Variants in DENND1A observed in about 807,000 individuals in gnomAD.
The protein encoded by DENND1A is DENN domain-containing protein 1A.
In DENND1A, 51 loss-of-function variants were observed where a neutral mutation model predicts 113.7. That is an observed-to-expected ratio of 0.45 (90% CI 0.36 to 0.57). DENND1A has a LOEUF of 0.57. Among genes scored for constraint, DENND1A ranks in the 20% least tolerant of loss-of-function variants. The pLI, the probability that DENND1A is intolerant of heterozygous loss-of-function variation, is 0.00. For missense variants in DENND1A, 1,258 were observed against 1,395.9 expected (o/e 0.90, Z 1.57); for synonymous variants, 565 against 570.8 (o/e 0.99, Z 0.14).
chr9:123,901,259 G>T (rs1851575711), intron 1 of DENND1A, among the ~76,000 whole-genome samples: 1 of 152,184 alleles, frequency 6.6e-6, no homozygotes, highest in African/African-American at 2.4e-5. Context: ...GGTAGGAGAA[G>T]ATGGTGCCCT....
At chr9:123,683,439 C>A (rs1317844186) in intron 5 of DENND1A, among the ~76,000 whole-genome samples, 1 of 152,154 alleles carries the variant, frequency 6.6e-6, no homozygotes, top group African/African-American at 2.4e-5. Context: ...GTTATTAAGT[C>A]AGAAAAATTA....
At chr9:123,436,366 T>C (rs1388927267) in intron 19 of DENND1A, among the ~76,000 whole-genome samples, 2 of 152,184 alleles carry the variant, frequency 1.3e-5, no homozygotes, top group Non-Finnish European at 2.9e-5. Flanking sequence ...TTATCTCGAG[T>C]GGAGAAACGC....
chr9:123,592,523 G>C (rs960876259), intron 11 of DENND1A, among the ~76,000 whole-genome samples: 1 of 152,104 alleles, frequency 6.6e-6, no homozygotes, highest in Non-Finnish European at 1.5e-5. Context: ...GGGCTGGGGG[G>C]AAACTGACTA....
intron 5 of DENND1A, among the ~76,000 whole-genome samples, chr9:123,730,139 T>G (rs892042453): frequency 2.0e-5 from 3 of 152,150 alleles, no homozygotes; most frequent in Non-Finnish European, 4.4e-5. Context: ...ATGTAAGACC[T>G]AAAACCACAA....
At chr9:123,772,915 C>T (rs1356540947) in intron 3 of DENND1A, among the ~76,000 whole-genome samples, 1 of 152,064 alleles carries the variant, frequency 6.6e-6, no homozygotes, top group East Asian at 1.9e-4. Context: ...TTCTAAAATC[C>T]CTCCCAATCA....
chr9:123,891,258 C>G (rs1037995879), intron 1 of DENND1A, among the ~76,000 whole-genome samples: 3 of 152,178 alleles, frequency 2.0e-5, no homozygotes, highest in African/African-American at 7.2e-5. Context: ...CTTGCCTCTC[C>G]CTCTGCCACT....
chr9:123,446,859 C>CT (rs2132545350), intron 18 of DENND1A, among the ~76,000 whole-genome samples: 1 of 152,232 alleles, frequency 6.6e-6, no homozygotes, highest in Admixed American at 6.5e-5. Context: ...GATTCAGAAA[C>CT]TTTACAAAGG....
intron 6 of DENND1A, among the ~76,000 whole-genome samples, chr9:123,674,342 TCACACACACACACACACACACACACACA>T (rs546398875): frequency 6.0e-5 from 8 of 132,376 alleles, no homozygotes; most frequent in South Asian, 2.5e-4. Context: ...TGTCTCTCTC[TCACACACACACACACACACACACACACA>T]CACACACACA....
rs1365261126 is a variant in DENND1A, at chr9:123,440,433, G to T, written c.1415C>A (p.Pro472Gln). The T allele has an allele frequency of 1.3e-6, 2 of 1,577,638 alleles. No individual in the cohort carries two copies. Among genetic ancestry groups the T allele is most frequent in the Admixed American group, 2.0e-5 (1 of 49,652 alleles). ...TPEEQLPKTA[P>Q]SPLVEAKDPK... The stretch of plus-strand genomic sequence containing the variant: ...GTCCTTGGCCTCCACCAGTGGGGAC[G>T]GTGCAGTCTTTGGCAGCTGCTCTTC... The change falls in exon 19 of 24, where the codon CCG becomes CAG. Residue 472 changes from proline to glutamine, a missense_variant. Physicochemically the swap from Pro to Gln is moderately conservative, Grantham distance 76. Around this residue, in one of 2 missense-constraint regions of DENND1A, gnomAD observed 1,159 missense variants for 1,231.7 expected, o/e 0.94. Transcript: ENST00000394215.
chr9:123,382,390 G>A lies in DENND1A; in HGVS notation c.2255C>T (p.Thr752Ile), dbSNP rs1305874809. Reference sequence around the variant, plus strand: ...GATGGTGATGCTGCCCAGAGTAGGGGTGGGCACCTCCTCCTTGTCACTGGG... The same window carrying A: ...GATGGTGATGCTGCCCAGAGTAGGGATGGGCACCTCCTCCTTGTCACTGGG... The part of the protein sequence containing the change: ...LNPSDKEEVP[T>I]PTLGSITIPR... Residue 752 changes from threonine to isoleucine, a missense_variant, in exon 24 of 24, where the codon ACC becomes ATC. Thr to Ile is a moderately conservative substitution (Grantham distance 89). This residue lies in a region of DENND1A where 1,159 missense variants were observed against 1,231.7 expected (regional missense o/e 0.94). Coordinates refer to ENST00000394215, the MANE Select transcript of DENND1A (RefSeq NM_001352964.2). The A allele has an allele frequency of 6.3e-6, 10 of 1,599,080 alleles. No homozygotes were observed. Among genetic ancestry groups the A allele is most frequent in the Admixed American group, 1.7e-5 (1 of 59,262 alleles).
At chr9:123,503,544 T>C (rs997250751) in intron 13 of DENND1A, among the ~76,000 whole-genome samples, 7 of 152,204 alleles carry the variant, frequency 4.6e-5, no homozygotes, top group Admixed American at 2.0e-4. Context: ...TGGCCAGTCT[T>C]GAGCTCATCG....
intron 13 of DENND1A, among the ~76,000 whole-genome samples, chr9:123,476,558 C>T (rs1342320356): frequency 2.0e-5 from 3 of 152,108 alleles, no homozygotes; most frequent in Admixed American, 6.5e-5. Context: ...ATAGAGATTC[C>T]CCTAGGAGGT....
chr9:123,552,019 G>GAGAGAGAGAGAGAGAGAGAC (rs1478364031), intron 13 of DENND1A, among the ~76,000 whole-genome samples: 18 of 124,258 alleles, frequency 1.4e-4, no homozygotes, highest in South Asian at 4.8e-4. Context: ...GAGCGAGAGC[G>GAGAGAGAGAGAGAGAGAGAC]AGAGAGAGAG....
intron 18 of DENND1A, among the ~76,000 whole-genome samples, chr9:123,441,297 T>C (rs1468876387): frequency 6.6e-6 from 1 of 152,248 alleles, no homozygotes; most frequent in East Asian, 1.9e-4. Flanking sequence ...ACTTTAATTA[T>C]GAGTATGGAC....
At chr9:123,635,116 A>G (rs1452734758) in intron 9 of DENND1A, among the ~76,000 whole-genome samples, 2 of 152,196 alleles carry the variant, frequency 1.3e-5, no homozygotes, top group Non-Finnish European at 2.9e-5. Context: ...TCTCAGAGAT[A>G]AAGCCCAGAT....
At chr9:123,798,906 T>C (rs930068751) in intron 2 of DENND1A, among the ~76,000 whole-genome samples, 6 of 152,148 alleles carry the variant, frequency 3.9e-5, no homozygotes, top group Admixed American at 2.0e-4. Flanking sequence ...GATAGATAAT[T>C]ATAGATGAGT....
At chr9:123,895,648 G>C (rs886549939) in intron 1 of DENND1A, among the ~76,000 whole-genome samples, 1 of 150,170 alleles carries the variant, frequency 6.7e-6, no homozygotes. Flanking sequence ...AAAAAGAAAA[G>C]AACAAAGATT....
At chr9:123,501,660 G>A (rs2052496540) in intron 13 of DENND1A, among the ~76,000 whole-genome samples, 2 of 152,196 alleles carry the variant, frequency 1.3e-5, no homozygotes, top group African/African-American at 4.8e-5. Context: ...TTGATCCTGG[G>A]TGTGTCTGTG....
At chr9:123,879,553 TACAC>T (rs138124573) in intron 1 of DENND1A, among the ~76,000 whole-genome samples, 4 of 149,996 alleles carry the variant, frequency 2.7e-5, no homozygotes, top group African/African-American at 7.4e-5. Context: ...AATAAAATTA[TACAC>T]ACACACACAC....
Sources: gnomAD v4.1 joint callset for allele counts (sites outside exome capture counted in the v4.1 genomes callset) on GRCh38, gnomAD v4.1.1 for gene constraint, gnomAD v4.1.1 regional missense constraint, MANE v1.5 for transcripts, NCBI Gene and HGNC (gene_info 2026-07-23, HGNC 2026-07-21) for gene names.